LRRIQ3: variants seen among roughly 807,000 people sequenced by gnomAD.
LRRIQ3 encodes the protein leucine-rich repeat and IQ domain-containing protein 3.
A neutral mutation model predicts 59.3 loss-of-function variants in LRRIQ3; 75 were observed. The observed-to-expected ratio is 1.26, with a 90% CI of 1.05 to 1.53. The LOEUF is 1.53. Among genes scored for constraint, LRRIQ3 ranks in the 40% most tolerant of loss-of-function variants. LRRIQ3 has a pLI of 0.00. For missense variants in LRRIQ3, 831 were observed against 710.0 expected, an observed-to-expected ratio of 1.17 and a Z score of -1.94; for synonymous variants, 250 against 231.3, an observed-to-expected ratio of 1.08 and a Z score of -0.73.
chr1:74,112,942 T>C (rs934295247), intron 4 of LRRIQ3, among the ~76,000 whole-genome samples: 2 of 151,820 alleles, frequency 1.3e-5, no homozygotes, highest in Non-Finnish European at 2.9e-5. Flanking sequence ...GTAAATTATA[T>C]ACAAAATAGG....
chr1:74,031,964 T>C (rs1396396843), intron 7 of LRRIQ3, among the ~76,000 whole-genome samples: 1 of 151,872 alleles, frequency 6.6e-6, no homozygotes, highest in African/African-American at 2.4e-5. Context: ...GATAAAATAT[T>C]GCTAAAAGAA....
intron 6 of LRRIQ3, among the ~76,000 whole-genome samples, chr1:74,053,177 CA>C (rs11403724): frequency 1.7e-3 from 176 of 100,954 alleles, no homozygotes; most frequent in African/African-American, 6.9e-3. Flanking sequence ...CTCCACATGC[CA>C]AAAAAAAAAA....
chr1:74,114,412 T>C (rs1646749473), intron 4 of LRRIQ3, among the ~76,000 whole-genome samples: 1 of 151,996 alleles, frequency 6.6e-6, no homozygotes, highest in African/African-American at 2.4e-5. Context: ...TTAGTATAAA[T>C]ATGAAGTAGA....
chr1:74,088,683 G>A (rs1646358462), intron 5 of LRRIQ3, among the ~76,000 whole-genome samples: 1 of 151,600 alleles, frequency 6.6e-6, no homozygotes, highest in Non-Finnish European at 1.5e-5. Context: ...ATAGATTATA[G>A]GTCTAAATAT....
At chr1:74,034,633 CAG>C (rs1158867992) in intron 7 of LRRIQ3, among the ~76,000 whole-genome samples, 9 of 55,126 alleles carry the variant, frequency 1.6e-4, no homozygotes, top group Non-Finnish European at 3.9e-4. Flanking sequence ...AAAGCACACA[CAG>C]ACACACACAC....
At chr1:74,142,350 T>C (rs1557637233) in intron 4 of LRRIQ3, among the ~76,000 whole-genome samples, 1 of 151,966 alleles carries the variant, frequency 6.6e-6, no homozygotes. Context: ...GAAATCCACA[T>C]ACTACTCAGG....
At chr1:74,077,453 AC>A (rs201677820) in intron 5 of LRRIQ3, among the ~76,000 whole-genome samples, 32 of 149,774 alleles carry the variant, frequency 2.1e-4, no homozygotes, top group Admixed American at 4.0e-4. Context: ...AAAAACAAGA[AC>A]CCCCCCCAAA....
intron 4 of LRRIQ3, among the ~76,000 whole-genome samples, chr1:74,125,128 G>A (rs919212870): frequency 6.6e-6 from 1 of 151,568 alleles, no homozygotes; most frequent in African/African-American, 2.4e-5. Context: ...ATTGTTAATG[G>A]GATTAATTTC....
At chr1:74,179,863 T>C (rs1649873170) in intron 3 of LRRIQ3, 2 of 152,138 alleles carry the variant, frequency 1.3e-5, no homozygotes, top group East Asian at 1.9e-4. Flanking sequence ...TTCTTCACAA[T>C]GATTTTCTCC....
chr1:74,183,784 G>A, intron 1 of LRRIQ3, 100 bp from the exon 2 acceptor site: 1 of 970,646 alleles, frequency 1.0e-6, no homozygotes, highest in South Asian at 2.5e-5. Context: ...AGTAAAAAGT[G>A]TTATTAAAGT....
At chr1:74,110,756 T>G (rs1646683609) in intron 4 of LRRIQ3, among the ~76,000 whole-genome samples, 1 of 152,068 alleles carries the variant, frequency 6.6e-6, no homozygotes, top group Admixed American at 6.6e-5. Context: ...AATATTTGTA[T>G]TAATGACATA....
intron 1 of LRRIQ3, among the ~76,000 whole-genome samples, chr1:74,185,168 C>T (rs1650276941): frequency 6.6e-6 from 1 of 152,074 alleles, no homozygotes; most frequent in African/African-American, 2.4e-5. Context: ...TGGATAAATA[C>T]CAAGGAGTTT....
intron 6 of LRRIQ3, among the ~76,000 whole-genome samples, chr1:74,054,849 G>A (rs929989419): frequency 6.9e-6 from 1 of 145,416 alleles, no homozygotes; most frequent in Admixed American, 6.9e-5. Context: ...GTGTATATAT[G>A]TATATATTGA....
At chr1:74,072,985 A>C (rs1178674014) in intron 6 of LRRIQ3, among the ~76,000 whole-genome samples, 1 of 152,132 alleles carries the variant, frequency 6.6e-6, no homozygotes, top group Non-Finnish European at 1.5e-5. Context: ...TGATACTCAG[A>C]AGGTTGATTT....
rs558796465 is a variant in LRRIQ3 at position 74,120,801 on chromosome 1, C to T, written c.708-11248G>A. Among the ~76,000 whole-genome samples the T allele has an allele frequency of 7.0e-3, 1,059 of 151,686 alleles. 13 individuals are homozygous for T. The highest frequency in any genetic ancestry group is 0.025 in the African/African-American group (1,020 of 41,396). On this transcript the variant is annotated intron_variant, in intron 4 of 7. Transcript: ENST00000354431. Reference sequence around the variant, plus strand: ...GTGTTAATTTTATTAAGTTACTTTTCGGGCACTCAATAACATGATTACATT... The same window carrying T: ...GTGTTAATTTTATTAAGTTACTTTTTGGGCACTCAATAACATGATTACATT...
At chr1:74,033,369 A>G (rs1200090140) in intron 7 of LRRIQ3, among the ~76,000 whole-genome samples, 1 of 152,024 alleles carries the variant, frequency 6.6e-6, no homozygotes, top group East Asian at 1.9e-4. Context: ...CGGAGCCTAC[A>G]CTAGAAATGA....
At chr1:74,158,223 C>T (rs1018308603) in intron 3 of LRRIQ3, among the ~76,000 whole-genome samples, 1 of 152,088 alleles carries the variant, frequency 6.6e-6, no homozygotes, top group Non-Finnish European at 1.5e-5. Flanking sequence ...AATTCCTGTT[C>T]CCCCACTTTC....
In LRRIQ3 at chr1:74,045,224, C is replaced by T. The variant is rs150057927; in HGVS notation, c.998-3291G>A. The stretch of plus-strand genomic sequence containing the variant: ...CCGAAAATCCTCAATAAAATACTGG[C>T]GAACTGAATCCAGCAGCACATCAAA... On this transcript the variant is annotated intron_variant, in intron 6 of 7. Transcript: ENST00000354431. Among the ~76,000 whole-genome samples the T allele has an allele frequency of 4.5e-3, 683 of 152,228 alleles. 10 individuals are homozygous for T. The highest frequency in any genetic ancestry group is 0.042 in the East Asian group (216 of 5,172).
At chr1:74,127,489 T>C (rs1646953058) in intron 4 of LRRIQ3, among the ~76,000 whole-genome samples, 1 of 151,678 alleles carries the variant, frequency 6.6e-6, no homozygotes, top group Non-Finnish European at 1.5e-5. Flanking sequence ...ATCTGCTGTA[T>C]TTTTTTTATT....
Sources: allele counts gnomAD v4.1 joint callset (sites outside exome capture counted in the v4.1 genomes callset), GRCh38; gene constraint gnomAD v4.1.1; transcripts MANE v1.5; gene names NCBI Gene and HGNC (gene_info 2026-07-23, HGNC 2026-07-21).